CNOT1: variants seen among roughly 807,000 people sequenced by gnomAD.
CNOT1 encodes the protein CCR4-associated factor 1.
CNOT1 carries 15 observed loss-of-function variants against 273.8 expected under a neutral mutation model. That is an observed-to-expected ratio of 0.05 (90% confidence interval 0.04 to 0.08). The LOEUF is 0.08. CNOT1 is among the 10% of genes least tolerant of loss of function. The pLI, the probability that CNOT1 is intolerant of heterozygous loss-of-function variation, is 1.00. For missense variants in CNOT1, 1,644 were observed against 2,912.2 expected, an observed-to-expected ratio of 0.56 and a Z score of 10.02; for synonymous variants, 1,022 against 1,005.5, an observed-to-expected ratio of 1.02 and a Z score of -0.31.
intron 6 of CNOT1, 152 bp downstream of exon 6, chr16:58,587,049 G>T: frequency 8.9e-7 from 1 of 1,124,376 alleles, no homozygotes; most frequent in Non-Finnish European, 1.2e-6. Context: ...GGTTATGAGG[G>T]TAACATTTAT....
rs1272223073 is a variant in CNOT1, at chr16:58,555,508, G to T, written c.2634C>A (p.Asp878Glu). The change falls in exon 21 of 49, where the codon GAC (aspartate) becomes GAA (glutamate). Residue 878 changes from aspartate to glutamate, a missense_variant. Asp to Glu is a conservative substitution (Grantham distance 45, BLOSUM62 2). Coordinates refer to ENST00000317147, the MANE Select transcript of CNOT1 (RefSeq NM_016284.5). ...CTTCTCGTTCCCTCTTTATAGTAGA[G>T]TCTTTAAATCTCTGCAGCATTTCTA... ...EVLEMLQRFK[D>E]STIKREREVF... The T allele has an allele frequency of 6.2e-7, 1 of 1,613,826 alleles. No homozygotes were observed.
chr16:58,544,627 A>G (rs2040199647), intron 30 of CNOT1, among the ~76,000 whole-genome samples: 1 of 152,106 alleles, frequency 6.6e-6, no homozygotes, highest in African/African-American at 2.4e-5. Flanking sequence ...TTTCTCTGAT[A>G]CCCTTTCAAT....
At chr16:58,576,073 C>T (rs2041449024) in intron 14 of CNOT1, among the ~76,000 whole-genome samples, 2 of 152,096 alleles carry the variant, frequency 1.3e-5, no homozygotes, top group East Asian at 1.9e-4. Context: ...TGAATTATTC[C>T]TAGAGCATCT....
chr16:58,580,287 T>C (rs560981307), intron 12 of CNOT1, among the ~76,000 whole-genome samples: 1 of 130,534 alleles, frequency 7.7e-6, no homozygotes, highest in Admixed American at 7.8e-5. Context: ...GTTGGCCACC[T>C]TGAGCAACTT....
chr16:58,534,739 C>T (rs185483099), intron 39 of CNOT1, among the ~76,000 whole-genome samples: 9 of 152,262 alleles, frequency 5.9e-5, no homozygotes, highest in Admixed American at 5.9e-4. Flanking sequence ...ACATTGTGGA[C>T]TCCAAGGAGA....
At chr16:58,585,235 A>G (rs908299464) in intron 8 of CNOT1, 103 bp downstream of exon 8, 32 of 1,519,810 alleles carry the variant, frequency 2.1e-5, no homozygotes, top group Non-Finnish European at 2.7e-5. Flanking sequence ...CCTCTTGAGA[A>G]GAAAAGATGA....
Position 58,560,240 on chromosome 16 carries a change from C to G in CNOT1, c.2102G>C (p.Ser701Thr), listed in dbSNP as rs2040786241. 22 of 1,614,098 alleles carry G rather than the reference C, an allele frequency of 1.4e-5. No homozygotes were observed. The highest frequency in any genetic ancestry group is 1.9e-5 in the Non-Finnish European group (22 of 1,180,002). ...VMPKGRPPSA[S>T]SLDAISPVQI... ...AACAGGAGAAATGGCATCTAAGCTG[C>G]TAGCACTAGGAGGACGTCCTTTTGG... The change falls in exon 17 of 49, where the codon AGC (serine) becomes ACC (threonine). Residue 701 changes from serine (S) to threonine (T), a missense_variant. This residue lies in a region of CNOT1 where 706 missense variants were observed against 1,021.2 expected (regional missense o/e 0.69). Coordinates refer to ENST00000317147, the MANE Select transcript of CNOT1 (RefSeq NM_016284.5).
At chr16:58,617,642 CAG>C (rs2043139287) in intron 1 of CNOT1, among the ~76,000 whole-genome samples, 1 of 152,190 alleles carries the variant, frequency 6.6e-6, no homozygotes, top group African/African-American at 2.4e-5. Context: ...CAAATGCCAA[CAG>C]TGCCCTTGTT....
chr16:58,528,522 A>T lies in CNOT1; in HGVS notation c.6406T>A (p.Phe2136Ile). Residue 2136 changes from phenylalanine (F) to isoleucine (I), a missense_variant, in exon 44 of 49, where the codon TTT (phenylalanine) becomes ATT (isoleucine). Transcript: ENST00000317147. ...IQLRNLILSA[F>I]PRNMRLPDPF... ...TCGGGGAGCCTCATGTTTCTTGGAA[A>T]GGCACTCAGGATCAAATTTCTTAAC... is the stretch of plus-strand genomic sequence containing the variant. 6.2e-7 allele frequency: 1 copy of T among 1,613,870 alleles called. No individual in the cohort carries two copies. Among genetic ancestry groups the T allele is most frequent in the Non-Finnish European group, 8.5e-7 (1 of 1,179,800 alleles).
intron 31 of CNOT1, among the ~76,000 whole-genome samples, chr16:58,542,945 T>C (rs1024648407): frequency 6.6e-6 from 1 of 151,908 alleles, no homozygotes; most frequent in Non-Finnish European, 1.5e-5. Flanking sequence ...ATACATAAAT[T>C]AGTGGGGCGT....
chr16:58,542,571 A>G lies in CNOT1; in HGVS notation c.4435-3T>C. 1 of 471,032 alleles carries G rather than the reference A, an allele frequency of 2.1e-6. No individual in the cohort carries two copies. The highest frequency in any genetic ancestry group is 4.1e-6 in the Non-Finnish European group (1 of 246,890). The allele number at this position is 471,032 out of a possible 1,614,324, so 29.2% of individuals were successfully genotyped here. On this transcript the variant is annotated splice_polypyrimidine_tract_variant and splice_region_variant and intron_variant, in intron 31 of 48. Coordinates refer to ENST00000317147, the MANE Select transcript of CNOT1 (RefSeq NM_016284.5). Reference sequence around the variant, plus strand: ...TCTCTTTGTTGTGGGGAAGCAGTCTATTAATGGAGGTGGGTGGGGGGGTGG... The same window carrying G: ...TCTCTTTGTTGTGGGGAAGCAGTCTGTTAATGGAGGTGGGTGGGGGGGTGG...
Position 58,559,524 on chromosome 16 carries a change from A to T in CNOT1, c.2130+688T>A, listed in dbSNP as rs545109525. ...GGGGGAAGATCAGCTCCAATTTTGAAAACAAAAACAAGGTATGCTATTCAC... is the reference window on the plus strand; with the variant it reads ...GGGGGAAGATCAGCTCCAATTTTGATAACAAAAACAAGGTATGCTATTCAC... On this transcript the variant is annotated intron_variant, in intron 17 of 48. Transcript: ENST00000317147. 1.4e-4 allele frequency among the ~76,000 whole-genome samples: 21 copies of T among 152,318 alleles called. No individual in the cohort carries two copies. The South Asian group carries it at 4.4e-3, about 32-fold the overall frequency.
At position 58,583,040 on chromosome 16, in the gene CNOT1, G is replaced by A; in HGVS notation, c.933+16C>T. The A allele has an allele frequency of 6.2e-7, 1 of 1,613,268 alleles. No homozygotes were observed. On this transcript the variant is annotated intron_variant, in intron 9 of 48. Coordinates refer to ENST00000317147, the MANE Select transcript of CNOT1 (RefSeq NM_016284.5). The stretch of plus-strand genomic sequence containing the variant: ...GGACATTAACTCACTTGGTAAAATA[G>A]CTGAATTCAACACACCTGTAATGGA...
At chr16:58,576,414 T>A in intron 14 of CNOT1, 49 bp downstream of exon 14, 7 of 1,610,518 alleles carry the variant, frequency 4.3e-6, no homozygotes, top group Non-Finnish European at 5.9e-6. Flanking sequence ...CCCGGCCTTT[T>A]TTTCTCATTA....
rs2040598439 is a variant in CNOT1 at position 58,555,420 on chromosome 16, T to C, written c.2722A>G (p.Lys908Glu). Reference protein sequence around the residue: ...EYRFFPQYPDKELHITACLFG... With the variant: ...EYRFFPQYPDEELHITACLFG... ...AGGCAGGCTGTTATATGTAACTCTTTATCAGGATACTGGGGAAAAAAACGA... is the reference window on the plus strand; with the variant it reads ...AGGCAGGCTGTTATATGTAACTCTTCATCAGGATACTGGGGAAAAAAACGA... The change falls in exon 21 of 49, where the codon AAA becomes GAA. Residue 908 changes from lysine (K) to glutamate (E), a missense_variant. This residue lies in a region of CNOT1 where 74 missense variants were observed against 184.6 expected (regional missense o/e 0.40). Coordinates refer to ENST00000317147, the MANE Select transcript of CNOT1 (RefSeq NM_016284.5). The C allele has an allele frequency of 6.2e-7, 1 of 1,614,098 alleles. No individual in the cohort carries two copies. The highest frequency in any genetic ancestry group is 8.5e-7 in the Non-Finnish European group (1 of 1,180,048).
At chr16:58,611,185 T>C (rs764482761) in intron 1 of CNOT1, among the ~76,000 whole-genome samples, 17 of 151,926 alleles carry the variant, frequency 1.1e-4, no homozygotes, top group Non-Finnish European at 2.5e-4. Flanking sequence ...TCCTACCACT[T>C]TGGGAGGCTG....
chr16:58,579,920 T>A (rs958235093), intron 12 of CNOT1, among the ~76,000 whole-genome samples: 2 of 152,064 alleles, frequency 1.3e-5, no homozygotes, highest in Admixed American at 1.3e-4. Flanking sequence ...CTGAAAAGCA[T>A]TAGATTTGGC....
intron 47 of CNOT1, 116 bp downstream of exon 47, chr16:58,523,252 CAA>C: frequency 5.8e-6 from 6 of 1,028,140 alleles, no homozygotes; most frequent in Non-Finnish European, 7.9e-6. Context: ...CTCAAAAAAA[CAA>C]AAAAAAAACC....
chr16:58,541,091 G>C (rs971415715), intron 34 of CNOT1, among the ~76,000 whole-genome samples: 2 of 152,156 alleles, frequency 1.3e-5, no homozygotes, highest in Non-Finnish European at 2.9e-5. Flanking sequence ...TGTAGTCCTA[G>C]CTCCTCAGGA....
Sources: allele counts gnomAD v4.1 joint callset (sites outside exome capture counted in the v4.1 genomes callset), GRCh38; gene constraint gnomAD v4.1.1; regional missense constraint gnomAD v4.1.1; transcripts MANE v1.5; gene names NCBI Gene and HGNC (gene_info 2026-07-23, HGNC 2026-07-21).